The following C4orf50 variants were observed in gnomAD, a reference collection of about 807,000 sequenced individuals.
C4orf50 encodes the protein uncharacterized protein C4orf50.
In C4orf50, 80 loss-of-function variants were observed where a neutral mutation model predicts 77.2. The ratio of observed to expected loss-of-function variants is 1.04; its 90% CI spans 0.87 to 1.25. The LOEUF (loss-of-function observed/expected upper bound fraction) is 1.25. Ranked by LOEUF, C4orf50 falls within the 50% of genes most tolerant of loss-of-function variation. The probability of loss-of-function intolerance (pLI) is 0.00; values close to 1 mark genes in which losing one functional copy is unlikely to be tolerated. For missense variants in C4orf50, 1,257 were observed against 1,152.9 expected (o/e 1.09, Z -1.31); for synonymous variants, 532 against 465.3 (o/e 1.14, Z -1.84).
intron 25 of C4orf50, among the ~76,000 whole-genome samples, chr4:6,003,257 A>G (rs1036857632): frequency 6.6e-6 from 1 of 152,234 alleles, no homozygotes; most frequent in African/African-American, 2.4e-5. Context: ...AGGCAGCTCA[A>G]TGGTGACAAA....
chr4:6,002,616 G>T (rs1488946306), intron 25 of C4orf50, among the ~76,000 whole-genome samples: 4 of 152,152 alleles, frequency 2.6e-5, no homozygotes, highest in African/African-American at 9.7e-5. Flanking sequence ...GGCCCCTCCT[G>T]CCCACTCAGA....
chr4:5,998,216 C>T (rs6829738), intron 25 of C4orf50, among the ~76,000 whole-genome samples: 74,643 of 152,030 alleles, frequency 0.49, 20,065 homozygotes, highest in African/African-American at 0.72. Flanking sequence ...CAGAAGAAAA[C>T]GGGATCCTGA....
intron 7 of C4orf50, among the ~76,000 whole-genome samples, chr4:5,942,493 T>C (rs1175310888): frequency 6.6e-6 from 1 of 152,212 alleles, no homozygotes; most frequent in African/African-American, 2.4e-5. Context: ...CCTTGGAAAA[T>C]GCCCAGCACA....
Position 5,978,393 on chromosome 4 carries a change from T to G in C4orf50, c.3864+1781A>C, listed in dbSNP as rs115515495. Among the ~76,000 whole-genome samples the G allele has an allele frequency of 3.4e-3, 525 of 152,302 alleles. 3 individuals carry two copies. Among genetic ancestry groups the G allele is most frequent in the African/African-American group, 0.012 (511 of 41,558 alleles). On this transcript the variant is annotated intron_variant, in intron 29 of 33. Coordinates refer to ENST00000531445, the Ensembl canonical transcript of C4orf50. ...ACTGAAATTAAGAACTAAAGTGAGTTTAGGAGCAAATTAGATTCATCCAAA... is the reference window on the plus strand; with the variant it reads ...ACTGAAATTAAGAACTAAAGTGAGTGTAGGAGCAAATTAGATTCATCCAAA...
At chr4:6,014,819 G>C (rs1038846888) in intron 23 of C4orf50, among the ~76,000 whole-genome samples, 8 of 152,118 alleles carry the variant, frequency 5.3e-5, no homozygotes, top group African/African-American at 1.9e-4. Context: ...CTCCTCCCCT[G>C]ACCCCTCTTC....
chr4:6,008,138 T>C lies in C4orf50; in HGVS notation c.821A>G (p.Gln274Arg). 1 of 398,986 alleles carries C rather than the reference T, an allele frequency of 2.5e-6. No homozygotes were observed. 24.7% of individuals were successfully genotyped at this position (398,986 alleles called of 1,614,324 possible). The change falls in exon 25 of 34, where the codon CAG becomes CGG. Residue 274 changes from glutamine to arginine, a missense_variant. Coordinates refer to ENST00000531445, the Ensembl canonical transcript of C4orf50. This position sits in a 1 kb window ranked among gnomAD's most constrained non-coding sequence, Gnocchi z 6.0. ...GATGCAGCAGCGCAGCTCCTCCAGC[T>C]GCCCGCGGAGCTGGCGCTCGGTGGC...
downstream of C4orf50, chr4:5,957,111 C>T (rs577656040): frequency 6.6e-6 from 1 of 152,380 alleles, no homozygotes; most frequent in South Asian, 2.1e-4. Context: ...ATAAGTGGCT[C>T]TGCCTTGGAA....
At chr4:5,963,089 C>T (rs947498376) in intron 33 of C4orf50, among the ~76,000 whole-genome samples, 1 of 151,702 alleles carries the variant, frequency 6.6e-6, no homozygotes, top group Non-Finnish European at 1.5e-5. Context: ...ACAACCTCCG[C>T]CTCCCAGGTT....
At chr4:5,960,471 G>C (rs1430257846) in intron 33 of C4orf50, among the ~76,000 whole-genome samples, 2 of 152,238 alleles carry the variant, frequency 1.3e-5, no homozygotes, top group Non-Finnish European at 2.9e-5. Context: ...GCAGCCGCAG[G>C]TTTGCAATGA....
Position 5,928,398 on chromosome 4 carries a change from A to ACACC in C4orf50, c.*2474+28502_*2474+28503insGGTG. Among the ~76,000 whole-genome samples the ACACC allele has an allele frequency of 2.6e-5, 4 of 151,572 alleles. No individual in the cohort carries two copies. The East Asian group carries it at 5.8e-4, about 22-fold the overall frequency. The stretch of plus-strand genomic sequence containing the variant: ...CACACATACACACACACACACACAC[A>ACACC]CCCTGAAGATACCTCGGACAGCAGC... On this transcript the variant is annotated intron_variant, in intron 7 of 7. Transcript: ENST00000324058.
intron 31 of C4orf50, among the ~76,000 whole-genome samples, chr4:5,972,770 C>T (rs975281500): frequency 1.2e-4 from 19 of 152,226 alleles, no homozygotes; most frequent in African/African-American, 4.1e-4. Flanking sequence ...GTCTCACCCG[C>T]GCACATAAGG....
chr4:5,906,977 A>G (rs1366717619), intron 7 of C4orf50, among the ~76,000 whole-genome samples: 1 of 152,230 alleles, frequency 6.6e-6, no homozygotes, highest in Admixed American at 6.5e-5. Flanking sequence ...AGATTTATGA[A>G]TTCAGTGTTC....
At chr4:5,967,333 C>G in intron 32 of C4orf50, 81 bp downstream of exon 10, 1 of 1,120,430 alleles carries the variant, frequency 8.9e-7, no homozygotes, top group Non-Finnish European at 1.4e-6. Context: ...CATCTCCCCT[C>G]TGGCCCACCT....
chr4:5,989,450 T>C (rs1721120364), exon 28 of C4orf50: 2 of 1,535,912 alleles, frequency 1.3e-6, no homozygotes, highest in African/African-American at 1.4e-5. Flanking sequence ...GCTTCTTCAT[T>C]AGAACAAATA....
intron 25 of C4orf50, among the ~76,000 whole-genome samples, chr4:5,997,494 G>T (rs1206561375): frequency 6.6e-6 from 1 of 152,238 alleles, no homozygotes; most frequent in Non-Finnish European, 1.5e-5. Context: ...AGGTCACACA[G>T]TAAGTCGACA....
At chr4:5,925,865 G>A (rs1403372940) in intron 7 of C4orf50, among the ~76,000 whole-genome samples, 1 of 152,148 alleles carries the variant, frequency 6.6e-6, no homozygotes, top group African/African-American at 2.4e-5. Context: ...TTGGGAAGGG[G>A]GTCTTAAGGA....
At chr4:5,913,084 T>C (rs77118414) in intron 7 of C4orf50, among the ~76,000 whole-genome samples, 155 of 152,246 alleles carry the variant, frequency 1.0e-3, no homozygotes, top group African/African-American at 3.4e-3. Flanking sequence ...TCACAAACTA[T>C]AGAAAATAAA....
intron 7 of C4orf50, among the ~76,000 whole-genome samples, chr4:5,915,941 T>A (rs1309006615): frequency 6.6e-6 from 1 of 152,192 alleles, no homozygotes; most frequent in Non-Finnish European, 1.5e-5. Flanking sequence ...GAACCATAGA[T>A]TTCACTGAGA....
At chr4:5,956,466 C>T (rs74345965), downstream of C4orf50, among the ~76,000 whole-genome samples, 29 of 152,360 alleles carry the variant, frequency 1.9e-4, 1 homozygote, top group East Asian at 5.4e-3. Context: ...CCTGTGACCA[C>T]ACCCCAGCCC....
Sources: allele counts gnomAD v4.1 joint callset (sites outside exome capture counted in the v4.1 genomes callset), GRCh38; gene constraint gnomAD v4.1.1; non-coding constraint Gnocchi (gnomAD v3.1); transcripts MANE v1.5; gene names NCBI Gene and HGNC (gene_info 2026-07-23, HGNC 2026-07-21).